The following FBN1 variants were observed in gnomAD, a reference collection of about 807,000 sequenced individuals.
The protein encoded by FBN1 is fibrillin-1.
A neutral mutation model predicts 365.1 loss-of-function variants in FBN1; 29 were observed. The ratio of observed to expected loss-of-function variants is 0.08; its 90% confidence interval spans 0.06 to 0.11. The LOEUF is 0.11. Ranked by LOEUF, FBN1 falls within the 10% of genes least tolerant of loss-of-function variation. FBN1 has a pLI of 1.00. For missense variants in FBN1, 2,476 were observed against 3,703.2 expected, an observed-to-expected ratio of 0.67 and a Z score of 8.60; for synonymous variants, 1,210 against 1,270.5, an observed-to-expected ratio of 0.95 and a Z score of 1.01.
intron 6 of FBN1, among the ~76,000 whole-genome samples, chr15:48,572,223 G>A (rs2044311329): frequency 6.6e-6 from 1 of 152,090 alleles, no homozygotes; most frequent in Admixed American, 6.6e-5. Context: ...GTAAAGGATC[G>A]AAATGTTAAA....
At chr15:48,411,852 G>T (rs1387112430) in intron 65 of FBN1, among the ~76,000 whole-genome samples, 1 of 152,246 alleles carries the variant, frequency 6.6e-6, no homozygotes, top group East Asian at 1.9e-4. Context: ...AATGACAGCA[G>T]ATGGGTTGCA....
chr15:48,628,426 C>G (rs184486605), intron 2 of FBN1, among the ~76,000 whole-genome samples: 1 of 152,302 alleles, frequency 6.6e-6, no homozygotes, highest in Admixed American at 6.5e-5. Flanking sequence ...ATCTTACCAA[C>G]TTTTCATAAG....
intron 9 of FBN1, among the ~76,000 whole-genome samples, chr15:48,522,048 T>A (rs1427410115): frequency 6.6e-6 from 1 of 152,142 alleles, no homozygotes; most frequent in Non-Finnish European, 1.5e-5. Context: ...TAGATTCTCA[T>A]AGGATGGTGA....
At chr15:48,598,589 C>T (rs1233290121) in intron 5 of FBN1, among the ~76,000 whole-genome samples, 1 of 152,164 alleles carries the variant, frequency 6.6e-6, no homozygotes, top group East Asian at 1.9e-4. Context: ...TTGCTATGTC[C>T]CACATCCCTT....
At chr15:48,581,760 G>T (rs1328402544) in intron 6 of FBN1, among the ~76,000 whole-genome samples, 2 of 152,170 alleles carry the variant, frequency 1.3e-5, no homozygotes, top group Non-Finnish European at 2.9e-5. Flanking sequence ...AAAATTAAAA[G>T]ATAGTTAATA....
At chr15:48,444,983 GA>G (rs1462671914) in intron 48 of FBN1, among the ~76,000 whole-genome samples, 1 of 151,140 alleles carries the variant, frequency 6.6e-6, no homozygotes, top group African/African-American at 2.4e-5. Flanking sequence ...GTATTTTAAA[GA>G]AAAATATTTA....
At chr15:48,511,102 G>T (rs754423414) in intron 13 of FBN1, among the ~76,000 whole-genome samples, 3 of 152,170 alleles carry the variant, frequency 2.0e-5, no homozygotes, top group African/African-American at 7.2e-5. Flanking sequence ...GGTCACATTT[G>T]TCTGAGTATA....
chr15:48,493,705 T>C (rs923713432), intron 23 of FBN1, among the ~76,000 whole-genome samples: 12 of 152,224 alleles, frequency 7.9e-5, no homozygotes, highest in African/African-American at 2.7e-4. Context: ...TGCTGTGTCA[T>C]GTCAGGTTGT....
At chr15:48,479,770 C>A (rs549217863) in intron 32 of FBN1, among the ~76,000 whole-genome samples, 1 of 152,138 alleles carries the variant, frequency 6.6e-6, no homozygotes, top group Admixed American at 6.5e-5. Context: ...AATTCAACTA[C>A]GAAAAACAAG....
intron 2 of FBN1, among the ~76,000 whole-genome samples, chr15:48,633,245 T>C (rs1890021662): frequency 6.6e-6 from 1 of 152,222 alleles, no homozygotes; most frequent in South Asian, 2.1e-4. Flanking sequence ...ACAGTATTAC[T>C]AGGTGAGATG....
chr15:48,450,060 T>C (rs2043189212), intron 45 of FBN1, among the ~76,000 whole-genome samples: 1 of 152,354 alleles, frequency 6.6e-6, no homozygotes, highest in South Asian at 2.1e-4. Flanking sequence ...GCTTAGGAAC[T>C]ACTACTAGCC....
intron 6 of FBN1, among the ~76,000 whole-genome samples, chr15:48,590,216 T>C (rs2044467099): frequency 6.6e-6 from 1 of 152,210 alleles, no homozygotes; most frequent in Non-Finnish European, 1.5e-5. Flanking sequence ...ATTTTATTAA[T>C]ACCTTCCTGA....
intron 6 of FBN1, among the ~76,000 whole-genome samples, chr15:48,544,729 T>C (rs2044081977): frequency 1.3e-5 from 2 of 152,240 alleles, no homozygotes; most frequent in South Asian, 4.1e-4. Context: ...AGAAATCTTG[T>C]TCAGAGTAAA....
chr15:48,508,452 C>G, intron 15 of FBN1, 130 bp downstream of exon 15: 1 of 1,137,904 alleles, frequency 8.8e-7, no homozygotes. Context: ...GAGTTTCAGT[C>G]AGGTTTCCCA....
rs1049650705 is a variant in FBN1, at chr15:48,531,433, C to G, written c.862+2647G>C. Among the ~76,000 whole-genome samples, 6 of 152,020 alleles carry G rather than the reference C, an allele frequency of 3.9e-5. No individual in the cohort carries two copies. The East Asian group carries it at 1.2e-3, about 29-fold the overall frequency. Reference sequence around the variant, plus strand: ...AGCCAATTTGATGGAATTGGTTTTTCTTGAAAAAATTCTATGAAAAGTACT... The same window carrying G: ...AGCCAATTTGATGGAATTGGTTTTTGTTGAAAAAATTCTATGAAAAGTACT... On this transcript the variant is annotated intron_variant, in intron 8 of 65. Transcript: ENST00000316623.
chr15:48,479,470 T>A (rs902745972), intron 32 of FBN1, among the ~76,000 whole-genome samples: 1 of 152,222 alleles, frequency 6.6e-6, no homozygotes, highest in Non-Finnish European at 1.5e-5. Flanking sequence ...ACATGCCATG[T>A]TACTCTGGTA....
intron 5 of FBN1, among the ~76,000 whole-genome samples, chr15:48,598,413 T>C (rs558363209): frequency 6.6e-6 from 1 of 152,338 alleles, no homozygotes; most frequent in East Asian, 1.9e-4. Flanking sequence ...ATTGATGTTG[T>C]TAGTGTTGTT....
At chr15:48,575,300 C>T (rs74011877) in intron 6 of FBN1, among the ~76,000 whole-genome samples, 1,957 of 151,246 alleles carry the variant, frequency 0.013, 42 homozygotes, top group African/African-American at 0.046. Flanking sequence ...GAGCTCCGCT[C>T]AATTCTTTAT....
chr15:48,643,052 T>A (rs1387810899), intron 2 of FBN1: 1 of 152,204 alleles, frequency 6.6e-6, no homozygotes, highest in Non-Finnish European at 1.5e-5. Flanking sequence ...TCTCTGCAGA[T>A]CTTCAGCCAC....
Sources: allele counts gnomAD v4.1 joint callset (sites outside exome capture counted in the v4.1 genomes callset), GRCh38; gene constraint gnomAD v4.1.1; transcripts MANE v1.5; gene names NCBI Gene and HGNC (gene_info 2026-07-23, HGNC 2026-07-21).